TOM1L2: variants seen among roughly 807,000 people sequenced by gnomAD.
TOM1L2 encodes the protein target of myb1 like 2 membrane trafficking protein, also known as TOM1-like protein 2.
A neutral mutation model predicts 67.9 loss-of-function variants in TOM1L2; 31 were observed. The observed-to-expected ratio is 0.46, with a 90% CI of 0.34 to 0.62. TOM1L2 has a LOEUF of 0.62. Ranked by LOEUF, TOM1L2 falls within the 20% of genes least tolerant of loss-of-function variation. The pLI is 0.01. For synonymous variants in TOM1L2, 256 were observed against 254.0 expected (o/e 1.01, Z -0.07); for missense variants, 606 against 663.5 (o/e 0.91, Z 0.95).
At chr17:17,971,876 T>C in intron 1 of TOM1L2, among the ~76,000 whole-genome samples, 1 of 148,890 alleles carries the variant, frequency 6.7e-6, no homozygotes, top group South Asian at 2.1e-4. Flanking sequence ...GTGGCACCAG[T>C]GCCCGGGAGG....
chr17:17,888,536 A>T (rs1199230313), intron 4 of TOM1L2, among the ~76,000 whole-genome samples: 1 of 152,154 alleles, frequency 6.6e-6, no homozygotes, highest in African/African-American at 2.4e-5. Context: ...ATTCCCAGTG[A>T]CAGGGTCCCC....
intron 1 of TOM1L2, among the ~76,000 whole-genome samples, chr17:17,953,544 C>T (rs1182222547): frequency 1.3e-5 from 2 of 152,160 alleles, no homozygotes; most frequent in Non-Finnish European, 2.9e-5. Context: ...TAGGGACCAC[C>T]ATGGGGGCAG....
chr17:17,920,929 C>CA (rs1409313739), intron 1 of TOM1L2, among the ~76,000 whole-genome samples: 1 of 152,232 alleles, frequency 6.6e-6, no homozygotes, highest in Admixed American at 6.5e-5. Context: ...GCCACCGTTG[C>CA]AGGCAGTTCA....
chr17:17,892,102 A>G (rs1013634216), intron 4 of TOM1L2, among the ~76,000 whole-genome samples: 3 of 152,080 alleles, frequency 2.0e-5, no homozygotes, highest in Non-Finnish European at 1.5e-5. Flanking sequence ...TGAGACAGAG[A>G]GTGTGTGTGC....
intron 1 of TOM1L2, among the ~76,000 whole-genome samples, chr17:17,951,393 T>C (rs1435237488): frequency 6.6e-6 from 1 of 152,098 alleles, no homozygotes; most frequent in Non-Finnish European, 1.5e-5. Flanking sequence ...GGGTTAGAGA[T>C]GAAAAGGAGG....
intron 1 of TOM1L2, among the ~76,000 whole-genome samples, chr17:17,965,426 A>C (rs2145060340): frequency 6.6e-6 from 1 of 152,298 alleles, no homozygotes; most frequent in East Asian, 1.9e-4. Context: ...TGTCTCTGCC[A>C]AGAAACCAAA....
At chr17:17,863,005 G>A (rs1037503726) in intron 10 of TOM1L2, among the ~76,000 whole-genome samples, 157 bp from the exon 11 acceptor site, 3 of 152,162 alleles carry the variant, frequency 2.0e-5, no homozygotes, top group Non-Finnish European at 2.9e-5. Flanking sequence ...ACCACATGCC[G>A]GAGGAGCCAG....
Position 17,910,661 on chromosome 17 carries a change from C to T in TOM1L2, c.53-3130G>A, listed in dbSNP as rs137990788. ...CTCGGCTCACTGCAACCTTTACCTC[C>T]TGGGTTCAAGCAATTCTCCTGTCTC... is the stretch of plus-strand genomic sequence containing the variant. On this transcript the variant is annotated intron_variant, in intron 1 of 14. Transcript: ENST00000379504. Among the ~76,000 whole-genome samples, 6 of 151,554 alleles carry T rather than the reference C, an allele frequency of 4.0e-5. No individual in the cohort carries two copies. The East Asian group carries it at 1.2e-3, about 30-fold the overall frequency.
intron 7 of TOM1L2, among the ~76,000 whole-genome samples, chr17:17,876,121 C>G (rs958281276): frequency 3.3e-5 from 5 of 152,212 alleles, no homozygotes; most frequent in African/African-American, 4.8e-5. Flanking sequence ...TTGGGAGAGA[C>G]AGAGGACACT....
At chr17:17,848,793 G>C (rs1426818324) in intron 14 of TOM1L2, 30 bp downstream of exon 14, 7 of 1,613,518 alleles carry the variant, frequency 4.3e-6, no homozygotes, top group Non-Finnish European at 5.9e-6. Flanking sequence ...GCAACAAAAG[G>C]GGGCTGTAAG....
chr17:17,937,749 G>A (rs949625961), intron 1 of TOM1L2, among the ~76,000 whole-genome samples: 20 of 152,334 alleles, frequency 1.3e-4, no homozygotes, highest in Admixed American at 1.0e-3. Flanking sequence ...ACTAAATAAT[G>A]CAGAGGTGAA....
intron 1 of TOM1L2, among the ~76,000 whole-genome samples, chr17:17,910,545 G>C (rs1170952236): frequency 6.6e-6 from 1 of 152,008 alleles, no homozygotes; most frequent in Non-Finnish European, 1.5e-5. Context: ...TATGGGGTGG[G>C]ATTCAGTGAT....
At chr17:17,896,821 A>T (rs907167859) in intron 3 of TOM1L2, among the ~76,000 whole-genome samples, 1 of 152,204 alleles carries the variant, frequency 6.6e-6, no homozygotes, top group Admixed American at 6.5e-5. Context: ...AAATATTAAC[A>T]ATTTTGGTGG....
chr17:17,919,919 G>C (rs2039786154), intron 1 of TOM1L2, among the ~76,000 whole-genome samples: 1 of 152,176 alleles, frequency 6.6e-6, no homozygotes, highest in South Asian at 2.1e-4. Flanking sequence ...GCCTGGTGGG[G>C]TGACTAGCCC....
chr17:17,887,437 G>A (rs1033196319), intron 4 of TOM1L2, among the ~76,000 whole-genome samples: 1 of 152,204 alleles, frequency 6.6e-6, no homozygotes, highest in Non-Finnish European at 1.5e-5. Flanking sequence ...ACAGATGGGA[G>A]ACATCCAGAG....
intron 6 of TOM1L2, among the ~76,000 whole-genome samples, chr17:17,880,752 G>C (rs1239971268): frequency 6.6e-6 from 1 of 152,182 alleles, no homozygotes; most frequent in East Asian, 1.9e-4. Flanking sequence ...AACCTCACCA[G>C]GCTGCTGTGA....
chr17:17,883,822 G>A (rs960656752), intron 5 of TOM1L2, among the ~76,000 whole-genome samples: 4 of 152,174 alleles, frequency 2.6e-5, no homozygotes, highest in Non-Finnish European at 5.9e-5. Context: ...GTGTTCCTAC[G>A]AGAGATGTGC....
intron 1 of TOM1L2, among the ~76,000 whole-genome samples, chr17:17,968,398 G>A (rs1258097553): frequency 6.6e-6 from 1 of 152,222 alleles, no homozygotes; most frequent in Non-Finnish European, 1.5e-5. Flanking sequence ...CGGGCGCAAT[G>A]GCTCACTCCT....
chr17:17,878,028 C>A (rs191340185), intron 7 of TOM1L2, among the ~76,000 whole-genome samples: 1 of 152,236 alleles, frequency 6.6e-6, no homozygotes, highest in Non-Finnish European at 1.5e-5. Flanking sequence ...GCAAATCCCC[C>A]CTGTCAGCAG....
Sources: gnomAD v4.1 joint callset for allele counts (sites outside exome capture counted in the v4.1 genomes callset) on GRCh38, gnomAD v4.1.1 for gene constraint, MANE v1.5 for transcripts, NCBI Gene and HGNC (gene_info 2026-07-23, HGNC 2026-07-21) for gene names.